Variants in GCSAML observed in about 807,000 individuals in gnomAD.
GCSAML encodes the protein germinal center associated signaling and motility like, also known as germinal center-associated signaling and motility-like protein.
GCSAML carries 9 observed loss-of-function variants against 13.0 expected under a neutral mutation model. The observed-to-expected ratio is 0.69, with a 90% CI of 0.42 to 1.21. The LOEUF is 1.21. Among genes scored for constraint, GCSAML ranks in the 50% most tolerant of loss-of-function variants. The probability of loss-of-function intolerance (pLI) is 0.00; values close to 1 mark genes in which losing one functional copy is unlikely to be tolerated. For synonymous variants in GCSAML, 37 were observed against 52.9 expected, an observed-to-expected ratio of 0.70 and a Z score of 1.31; for missense variants, 143 against 153.4, an observed-to-expected ratio of 0.93 and a Z score of 0.36.
At chr1:247,537,778 G>T (rs538200389) in intron 2 of GCSAML, among the ~76,000 whole-genome samples, 31 of 151,992 alleles carry the variant, frequency 2.0e-4, no homozygotes, top group Middle Eastern at 3.4e-3. Flanking sequence ...TAATGTGCTT[G>T]TTGGCCACTT....
intron 2 of GCSAML, among the ~76,000 whole-genome samples, chr1:247,541,364 A>C (rs1667405449): frequency 6.6e-6 from 1 of 152,208 alleles, no homozygotes; most frequent in African/African-American, 2.4e-5. Flanking sequence ...TGTCATATGG[A>C]TCACAGTTGG....
chr1:247,569,241 T>A (rs899082158), intron 4 of GCSAML, among the ~76,000 whole-genome samples: 2 of 152,200 alleles, frequency 1.3e-5, no homozygotes, highest in African/African-American at 4.8e-5. Context: ...CCCAATACTA[T>A]GTTGAATAGG....
chr1:247,528,140 T>A (rs1666755712), intron 2 of GCSAML: 1 of 152,218 alleles, frequency 6.6e-6, no homozygotes, highest in Non-Finnish European at 1.5e-5. Flanking sequence ...AATGTTATCA[T>A]GTGTCTCTGA....
At chr1:247,525,664 C>A (rs1666651432) in intron 1 of GCSAML, 1 of 152,228 alleles carries the variant, frequency 6.6e-6, no homozygotes, top group Non-Finnish European at 1.5e-5. Context: ...GAACCCAGTC[C>A]TTGAGGGTTT....
intron 2 of GCSAML, among the ~76,000 whole-genome samples, chr1:247,536,765 A>G (rs1444911326): frequency 6.6e-6 from 1 of 152,186 alleles, no homozygotes; most frequent in East Asian, 1.9e-4. Flanking sequence ...CAAACTGCTT[A>G]TGGAGCGTAA....
intron 1 of GCSAML, among the ~76,000 whole-genome samples, chr1:247,550,249 C>T (rs1380660905): frequency 3.3e-5 from 5 of 152,166 alleles, no homozygotes; most frequent in African/African-American, 7.2e-5. Context: ...TTCCCCACAC[C>T]TGATGGTTCA....
At chr1:247,523,942 C>T (rs979032201) in intron 1 of GCSAML, among the ~76,000 whole-genome samples, 5 of 146,028 alleles carry the variant, frequency 3.4e-5, no homozygotes, top group East Asian at 2.2e-4. Flanking sequence ...ATACAGCTAG[C>T]GAAATAAATT....
intron 2 of GCSAML, among the ~76,000 whole-genome samples, chr1:247,539,264 T>C (rs962951081): frequency 6.6e-6 from 1 of 152,204 alleles, no homozygotes; most frequent in Non-Finnish European, 1.5e-5. Flanking sequence ...ATAGTCAAAC[T>C]TCATGGCTCT....
intron 4 of GCSAML, 129 bp downstream of exon 4, chr1:247,566,088 T>C (rs1182788002): frequency 8.3e-6 from 5 of 602,348 alleles, no homozygotes; most frequent in Non-Finnish European, 1.4e-5. Flanking sequence ...AATTTCTAAA[T>C]GTACTTTTAG....
intron 1 of GCSAML, among the ~76,000 whole-genome samples, chr1:247,516,269 T>C (rs1316303503): frequency 6.6e-6 from 1 of 152,266 alleles, no homozygotes; most frequent in Non-Finnish European, 1.5e-5. Context: ...TTTGTAATAC[T>C]GTGTTGACAT....
chr1:247,523,855 T>A (rs1454088266), intron 1 of GCSAML, among the ~76,000 whole-genome samples: 2 of 152,220 alleles, frequency 1.3e-5, no homozygotes, highest in African/African-American at 2.4e-5. Context: ...TTAATAGAAT[T>A]GATATTCCTG....
upstream of GCSAML, among the ~76,000 whole-genome samples, chr1:247,547,949 T>A (rs946805550): frequency 2.4e-4 from 37 of 152,318 alleles, no homozygotes; most frequent in African/African-American, 8.4e-4. Context: ...CATTCCTGCT[T>A]GTAATATATT....
intron 1 of GCSAML, among the ~76,000 whole-genome samples, chr1:247,550,933 T>C (rs1667758264): frequency 6.6e-6 from 1 of 152,184 alleles, no homozygotes; most frequent in African/African-American, 2.4e-5. Flanking sequence ...TCAGAGAACA[T>C]CGTACTTAAT....
rs1390720731 is a variant in GCSAML, at chr1:247,565,920, T to A, written c.140-11T>A. 15 of 1,538,360 alleles carry A rather than the reference T, an allele frequency of 9.8e-6. No homozygotes were observed. Among genetic ancestry groups the A allele is most frequent in the South Asian group, 2.6e-5 (2 of 78,236 alleles). ...CCTTTCTTTCTTTTTTTTTTTTTTT[T>A]AATTCTCCAGGCCAAGAAGTTTCAT... On this transcript the variant is annotated splice_polypyrimidine_tract_variant and intron_variant, in intron 3 of 4. Transcript: ENST00000366488.
upstream of GCSAML, among the ~76,000 whole-genome samples, chr1:247,545,512 C>G (rs1667539236): frequency 6.6e-6 from 1 of 152,152 alleles, no homozygotes. Context: ...GATGATTATG[C>G]AAAGGGGTAC....
intron 2 of GCSAML, among the ~76,000 whole-genome samples, chr1:247,535,222 A>G (rs1411496733): frequency 6.6e-6 from 1 of 152,184 alleles, no homozygotes; most frequent in Admixed American, 6.5e-5. Context: ...AGCTGAGGCT[A>G]GAGGATGGCT....
intron 2 of GCSAML, chr1:247,530,176 C>CAT (rs960777345): frequency 1.3e-5 from 2 of 151,996 alleles, no homozygotes; most frequent in African/African-American, 4.8e-5. Context: ...ATATTATATA[C>CAT]ATATATATAA....
At chr1:247,519,505 A>C (rs1397687183) in intron 1 of GCSAML, 1 of 152,154 alleles carries the variant, frequency 6.6e-6, no homozygotes, top group East Asian at 1.9e-4. Context: ...TCAGGCTGTT[A>C]CCTGCCCCCT....
chr1:247,562,987 A>C (rs898923292), intron 2 of GCSAML, among the ~76,000 whole-genome samples: 5 of 148,932 alleles, frequency 3.4e-5, no homozygotes, highest in Middle Eastern at 3.2e-3. Flanking sequence ...CTACAAGTGC[A>C]TGCCACCGTA....
Sources: allele counts gnomAD v4.1 joint callset (sites outside exome capture counted in the v4.1 genomes callset), GRCh38; gene constraint gnomAD v4.1.1; transcripts MANE v1.5; gene names NCBI Gene and HGNC (gene_info 2026-07-23, HGNC 2026-07-21).